Variants in VLDLR observed in about 807,000 individuals in gnomAD.
The protein encoded by VLDLR is very low density lipoprotein receptor.
VLDLR carries 81 observed loss-of-function variants against 112.7 expected under a neutral mutation model. The ratio of observed to expected loss-of-function variants is 0.72; its 90% CI spans 0.60 to 0.86. The LOEUF (loss-of-function observed/expected upper bound fraction) is 0.86. VLDLR is among the 40% of genes least tolerant of loss of function. VLDLR has a pLI of 0.00. For synonymous variants in VLDLR, 436 were observed against 384.8 expected (o/e 1.13, Z -1.56); for missense variants, 1,237 against 1,099.4 (o/e 1.13, Z -1.77).
At chr9:2,630,500 T>G (rs1441695624) in intron 1 of VLDLR, among the ~76,000 whole-genome samples, 3 of 152,172 alleles carry the variant, frequency 2.0e-5, no homozygotes, top group African/African-American at 7.2e-5. Context: ...CAGGCTGAAG[T>G]ACGCTCTGAG....
At chr9:2,652,403 C>T (rs562122887) in intron 17 of VLDLR, among the ~76,000 whole-genome samples, 2 of 152,302 alleles carry the variant, frequency 1.3e-5, no homozygotes, top group South Asian at 2.1e-4. Context: ...AAACGAGACA[C>T]GCAAATTCTA....
chr9:2,635,328 C>A, intron 1 of VLDLR, 125 bp from the exon 2 acceptor site: 1 of 1,436,874 alleles, frequency 7.0e-7, no homozygotes, highest in Non-Finnish European at 9.7e-7. Flanking sequence ...CCTACTCTGG[C>A]CCTTAGGATG....
At chr9:2,631,116 A>G (rs1342146858) in intron 1 of VLDLR, among the ~76,000 whole-genome samples, 1 of 152,380 alleles carries the variant, frequency 6.6e-6, no homozygotes, top group South Asian at 2.1e-4. Context: ...AAAATGACAT[A>G]TAATCTTATA....
chr9:2,629,113 G>T (rs1376574688), intron 1 of VLDLR, among the ~76,000 whole-genome samples: 2 of 152,180 alleles, frequency 1.3e-5, no homozygotes, highest in African/African-American at 4.8e-5. Context: ...GCAAACTTAG[G>T]CCCTGTTCTA....
rs1185445573 is a variant in VLDLR at position 2,659,430 on chromosome 9, C to T, written c.*5562C>T. 6.6e-6 allele frequency: 1 copy of T among 152,226 alleles called. No individual in the cohort carries two copies. Among genetic ancestry groups the T allele is most frequent in the Non-Finnish European group, 1.5e-5 (1 of 68,042 alleles). 9.4% of individuals were successfully genotyped at this position (152,226 alleles called of 1,614,324 possible). On this transcript the variant is annotated 3_prime_UTR_variant, in exon 19 of 19. Coordinates refer to ENST00000382100, the MANE Select transcript of VLDLR (RefSeq NM_003383.5). ...CTAGCACTACTACATCAGGTCAGCACAGATTAACTCAGTTACGTGTTATAC... is the reference window on the plus strand; with the variant it reads ...CTAGCACTACTACATCAGGTCAGCATAGATTAACTCAGTTACGTGTTATAC...
Position 2,639,933 on chromosome 9 carries a change from G to A in VLDLR, c.277G>A (p.Gly93Arg). 3 of 1,614,234 alleles carry A rather than the reference G, an allele frequency of 1.9e-6. No individual in the cohort carries two copies. Among genetic ancestry groups the A allele is most frequent in the East Asian group, 2.2e-5 (1 of 44,890 alleles). The change falls in exon 3 of 19, where the codon GGA (glycine) becomes AGA (arginine). Residue 93 changes from glycine (G) to arginine (R), a missense_variant. Gly to Arg is a moderately radical substitution (Grantham distance 125). Transcript: ENST00000382100. ...TGTTCCCAGCCGATGGAAGTGTGAT[G>A]GAGATCCTGACTGCGAAGATGGTTC... ...QCVPSRWKCD[G>R]DPDCEDGSDE...
chr9:2,627,149 A>AGAGG (rs1817132833), intron 1 of VLDLR, among the ~76,000 whole-genome samples: 1 of 152,222 alleles, frequency 6.6e-6, no homozygotes, highest in East Asian at 1.9e-4. Flanking sequence ...GAAGCTCTGA[A>AGAGG]GAGGAGTGAG....
At position 2,659,828 on chromosome 9, in the gene VLDLR, A is replaced by G. The variant is rs1212702105; in HGVS notation, c.*5960A>G. 1 of 152,230 alleles carries G rather than the reference A, an allele frequency of 6.6e-6. No homozygotes were observed. The highest frequency in any genetic ancestry group is 1.5e-5 in the Non-Finnish European group (1 of 68,036). 9.4% of individuals were successfully genotyped at this position (152,230 alleles called of 1,614,324 possible). ...GAAGAGAGTTTTTTTGAACAAAATG[A>G]CTGGCTTTGACAAAACTATCTTGCT... On this transcript the variant is annotated 3_prime_UTR_variant, in exon 19 of 19. Coordinates refer to ENST00000382100, the MANE Select transcript of VLDLR (RefSeq NM_003383.5).
intron 1 of VLDLR, among the ~76,000 whole-genome samples, chr9:2,627,772 G>A (rs570615998): frequency 1.3e-5 from 2 of 151,828 alleles, no homozygotes; most frequent in African/African-American, 2.4e-5. Flanking sequence ...GGCTGAGGCA[G>A]GAGAATCGCT....
At position 2,659,232 on chromosome 9, in the gene VLDLR, G is replaced by A. The variant is rs1267891084; in HGVS notation, c.*5364G>A. On this transcript the variant is annotated 3_prime_UTR_variant, in exon 19 of 19. Coordinates refer to ENST00000382100, the MANE Select transcript of VLDLR (RefSeq NM_003383.5). Reference sequence around the variant, plus strand: ...CAATCTATGGTTCCAAATCCTATGTGCTTACTGCCGTCTTCTCTTAGAAGG... The same window carrying A: ...CAATCTATGGTTCCAAATCCTATGTACTTACTGCCGTCTTCTCTTAGAAGG... The A allele has an allele frequency of 6.6e-6, 1 of 152,190 alleles. No individual in the cohort carries two copies. Among genetic ancestry groups the A allele is most frequent in the Non-Finnish European group, 1.5e-5 (1 of 68,030 alleles). The allele number at this position is 152,190 out of a possible 1,614,324, so 9.4% of individuals were successfully genotyped here.
intron 2 of VLDLR, among the ~76,000 whole-genome samples, chr9:2,637,234 AGCTG>A (rs1563753124): frequency 6.6e-6 from 1 of 152,206 alleles, no homozygotes; most frequent in East Asian, 1.9e-4. Context: ...AAACTTCCAA[AGCTG>A]CCTCCTATTT....
chr9:2,643,878 G>C lies in VLDLR; in HGVS notation c.985G>C (p.Gly329Arg), dbSNP rs775791410. ...CCCTGGAAAATTCAAGTGCAGAAGT[G>C]GAGAATGCATAGATATCAGCAAAGT... ...LGPGKFKCRS[G>R]ECIDISKVCN... The change falls in exon 7 of 19, where the codon GGA becomes CGA. Residue 329 changes from glycine (G) to arginine (R), a missense_variant. By Grantham distance (125) the Gly-to-Arg change is moderately radical (BLOSUM62 -2). Transcript: ENST00000382100. 2.2e-5 allele frequency: 35 copies of C among 1,614,038 alleles called. No homozygotes were observed. In the South Asian group the frequency reaches 3.8e-4, roughly 18 times the overall value.
chr9:2,635,021 T>C (rs1586641955), intron 1 of VLDLR, among the ~76,000 whole-genome samples: 1 of 152,306 alleles, frequency 6.6e-6, no homozygotes, highest in East Asian at 1.9e-4. Context: ...TTGTGGTCTC[T>C]GGGCAATCTG....
chr9:2,631,784 T>C (rs1817361545), intron 1 of VLDLR, among the ~76,000 whole-genome samples: 1 of 152,098 alleles, frequency 6.6e-6, no homozygotes, highest in Non-Finnish European at 1.5e-5. Context: ...ACACCCTAAA[T>C]CCTCGGATTT....
chr9:2,643,088 A>T (rs1817893728), intron 4 of VLDLR, 72 bp from the exon 5 acceptor site: 1 of 1,593,668 alleles, frequency 6.3e-7, no homozygotes. Flanking sequence ...TCAATGTATT[A>T]GATTTTGGGA....
At chr9:2,630,396 T>C (rs1207803441) in intron 1 of VLDLR, among the ~76,000 whole-genome samples, 1 of 151,940 alleles carries the variant, frequency 6.6e-6, no homozygotes, top group Non-Finnish European at 1.5e-5. Context: ...TTCCAGCAAG[T>C]AACACCCATA....
At position 2,652,927 on chromosome 9, in the gene VLDLR, C is replaced by T; in HGVS notation, c.2564C>T (p.Ser855Phe). The T allele has an allele frequency of 3.1e-6, 5 of 1,614,070 alleles. No individual in the cohort carries two copies. Among genetic ancestry groups the T allele is most frequent in the Non-Finnish European group, 4.2e-6 (5 of 1,179,954 alleles). ...ATAGACATTGGTAGACACAGTGCTT[C>T]TGTTGGACACACGTACCCAGCAGTA... ...LSIDIGRHSA[S>F]VGHTYPAISV... The change falls in exon 18 of 19, where the codon TCT becomes TTT. Residue 855 changes from serine (S) to phenylalanine (F), a missense_variant. Transcript: ENST00000382100.
intron 18 of VLDLR, 43 bp downstream of exon 18, chr9:2,652,992 G>C: frequency 6.2e-7 from 1 of 1,613,096 alleles, no homozygotes; most frequent in Non-Finnish European, 8.5e-7. Flanking sequence ...CTTGAAGTGA[G>C]ACTTTTCAGA....
Position 2,643,508 on chromosome 9 carries a change from A to C in VLDLR, c.797A>C (p.Asp266Ala). ...WRCDGDPDCK[D>A]GSDEVNCPSR... ...TGTGATGGGGACCCTGACTGCAAGG[A>C]TGGCAGTGATGAGGTCAACTGTCGT... Residue 266 changes from aspartate to alanine, a missense_variant, in exon 5 of 19, where the codon GAT becomes GCT. Coordinates refer to ENST00000382100, the MANE Select transcript of VLDLR (RefSeq NM_003383.5). The C allele has an allele frequency of 8.1e-6, 13 of 1,614,202 alleles. No homozygotes were observed. Among genetic ancestry groups the C allele is most frequent in the Non-Finnish European group, 1.1e-5 (13 of 1,180,030 alleles).
Sources: allele counts gnomAD v4.1 joint callset (sites outside exome capture counted in the v4.1 genomes callset), GRCh38; gene constraint gnomAD v4.1.1; transcripts MANE v1.5; gene names NCBI Gene and HGNC (gene_info 2026-07-23, HGNC 2026-07-21).